The following LRRTM4 variants were observed in gnomAD, a reference collection of about 807,000 sequenced individuals.
LRRTM4 encodes leucine-rich repeat transmembrane neuronal protein 4.
Under a neutral mutation model 47.6 loss-of-function variants are expected in LRRTM4, and 25 were observed. The ratio of observed to expected loss-of-function variants is 0.53; its 90% CI spans 0.38 to 0.73. The LOEUF is 0.73. LRRTM4 is among the 30% of genes least tolerant of loss of function. The pLI is 0.00. For missense variants in LRRTM4, 638 were observed against 713.4 expected (o/e 0.89, Z 1.20); for synonymous variants, 311 against 269.5 (o/e 1.15, Z -1.51).
At chr2:77,461,119 C>T (rs980188596) in intron 3 of LRRTM4, among the ~76,000 whole-genome samples, 7 of 143,100 alleles carry the variant, frequency 4.9e-5, no homozygotes, top group African/African-American at 1.3e-4. Context: ...TTTTTATATA[C>T]GTACATTTAC....
chr2:77,014,967 T>C (rs1678008046), intron 3 of LRRTM4, among the ~76,000 whole-genome samples: 2 of 152,202 alleles, frequency 1.3e-5, no homozygotes, highest in South Asian at 4.1e-4. Context: ...TCTTTAGTAA[T>C]TGGATAAACA....
At chr2:76,978,929 G>C (rs776186052) in intron 3 of LRRTM4, among the ~76,000 whole-genome samples, 1 of 152,130 alleles carries the variant, frequency 6.6e-6, no homozygotes, top group South Asian at 2.1e-4. Flanking sequence ...CTATTTTCAT[G>C]TAGCATAATA....
chr2:76,948,570 C>A (rs1212386994), intron 3 of LRRTM4, among the ~76,000 whole-genome samples: 1 of 151,672 alleles, frequency 6.6e-6, no homozygotes, highest in African/African-American at 2.4e-5. Context: ...TATGATTCTG[C>A]AGGTGTTATA....
In LRRTM4 at chr2:77,395,580, A is replaced by G. The variant is rs533782484; in HGVS notation, c.1551+122738T>C. Among the ~76,000 whole-genome samples the G allele has an allele frequency of 8.2e-4, 124 of 152,070 alleles. 1 individual carries two copies. Among genetic ancestry groups the G allele is most frequent in the African/African-American group, 2.9e-3 (120 of 41,530 alleles). ...TATCTCAAGCCTCTTTAGCCAATTT[A>G]TAGAATTTTATAAGTTGACAGTTCT... On this transcript the variant is annotated intron_variant, in intron 3 of 3. Coordinates refer to ENST00000409884, the MANE Select transcript of LRRTM4 (RefSeq NM_001134745.3).
At chr2:77,218,039 G>C (rs967882228) in intron 3 of LRRTM4, among the ~76,000 whole-genome samples, 27 of 151,878 alleles carry the variant, frequency 1.8e-4, no homozygotes, top group Non-Finnish European at 8.8e-5. Context: ...CTATTGCCCA[G>C]GCTGGAGTGC....
chr2:77,416,436 T>C (rs185366671), intron 3 of LRRTM4, among the ~76,000 whole-genome samples: 3 of 152,258 alleles, frequency 2.0e-5, no homozygotes, highest in Admixed American at 1.3e-4. Flanking sequence ...TGGTAAGTAC[T>C]AAAACATTTA....
rs529186645 is a variant in LRRTM4, at chr2:77,072,037, G to C, written c.1552-323121C>G. Among the ~76,000 whole-genome samples the C allele has an allele frequency of 1.1e-4, 17 of 152,178 alleles. No homozygotes were observed. In the East Asian group the frequency reaches 3.3e-3, roughly 29 times the overall value. On this transcript the variant is annotated intron_variant, in intron 3 of 3. Coordinates refer to ENST00000409884, the MANE Select transcript of LRRTM4 (RefSeq NM_001134745.3). ...AACTCCTCTGTCCCTCAAAAATTCT[G>C]ACTTGTTTTTGACTAATTTGAAAAT...
At chr2:77,269,079 T>C (rs1313983997) in intron 3 of LRRTM4, among the ~76,000 whole-genome samples, 1 of 152,162 alleles carries the variant, frequency 6.6e-6, no homozygotes, top group African/African-American at 2.4e-5. Flanking sequence ...CTTTCTTACT[T>C]TCTAAAAATT....
chr2:77,335,281 T>C (rs1671121600), intron 3 of LRRTM4, among the ~76,000 whole-genome samples: 1 of 152,216 alleles, frequency 6.6e-6, no homozygotes, highest in Non-Finnish European at 1.5e-5. Flanking sequence ...GGCTATAAGA[T>C]GCTGAACAAT....
At chr2:76,774,875 T>A (rs545749559) in intron 3 of LRRTM4, among the ~76,000 whole-genome samples, 2 of 152,336 alleles carry the variant, frequency 1.3e-5, no homozygotes, top group East Asian at 3.9e-4. Flanking sequence ...TCAAAGTTAG[T>A]CTTAAATAAT....
chr2:76,974,530 AT>A (rs1356020296), intron 3 of LRRTM4, among the ~76,000 whole-genome samples: 5 of 151,092 alleles, frequency 3.3e-5, no homozygotes, highest in Non-Finnish European at 7.4e-5. Context: ...ATACACACAT[AT>A]AGTGTATATG....
chr2:77,163,661 T>G (rs566412489), intron 3 of LRRTM4, among the ~76,000 whole-genome samples: 1 of 152,168 alleles, frequency 6.6e-6, no homozygotes, highest in African/African-American at 2.4e-5. Context: ...TATTCAACAT[T>G]CTTAAAGAAA....
chr2:77,078,755 T>C (rs549419696), intron 3 of LRRTM4, among the ~76,000 whole-genome samples: 3 of 152,290 alleles, frequency 2.0e-5, no homozygotes, highest in East Asian at 3.9e-4. Flanking sequence ...AAATTGCCTT[T>C]TCATTAGGGA....
intron 3 of LRRTM4, among the ~76,000 whole-genome samples, chr2:77,462,290 A>C (rs112950553): frequency 0.01 from 1,555 of 152,262 alleles, 23 homozygotes; most frequent in African/African-American, 0.036. Context: ...AGCCATTATC[A>C]AAATAAAACC....
intron 3 of LRRTM4, among the ~76,000 whole-genome samples, chr2:77,208,830 G>C (rs1355565692): frequency 1.3e-5 from 2 of 152,078 alleles, no homozygotes; most frequent in Non-Finnish European, 2.9e-5. Flanking sequence ...ACTTATATTT[G>C]CATAATATAC....
chr2:76,794,825 T>C (rs1675181232), intron 3 of LRRTM4, among the ~76,000 whole-genome samples: 1 of 152,054 alleles, frequency 6.6e-6, no homozygotes, highest in South Asian at 2.1e-4. Context: ...AGTCAGACAA[T>C]GAAACTGACC....
At chr2:76,786,290 C>T (rs897547901) in intron 3 of LRRTM4, among the ~76,000 whole-genome samples, 9 of 151,676 alleles carry the variant, frequency 5.9e-5, no homozygotes, top group African/African-American at 1.2e-4. Context: ...TTGAAAATGG[C>T]GGAGATTGTA....
chr2:76,848,895 A>G (rs183874238), intron 3 of LRRTM4, among the ~76,000 whole-genome samples: 27 of 152,230 alleles, frequency 1.8e-4, no homozygotes, highest in African/African-American at 6.5e-4. Context: ...TTATTTCATG[A>G]AAGAACTCTC....
intron 3 of LRRTM4, among the ~76,000 whole-genome samples, chr2:76,930,968 G>A (rs1674749857): frequency 6.6e-6 from 1 of 152,064 alleles, no homozygotes; most frequent in Non-Finnish European, 1.5e-5. Flanking sequence ...ACCAGTCCTA[G>A]TGATGTTTAT....
Sources: allele counts gnomAD v4.1 joint callset (sites outside exome capture counted in the v4.1 genomes callset), GRCh38; gene constraint gnomAD v4.1.1; transcripts MANE v1.5; gene names NCBI Gene and HGNC (gene_info 2026-07-23, HGNC 2026-07-21).